The following GLE1 variants were observed in gnomAD, a reference collection of about 807,000 sequenced individuals.
GLE1 encodes the protein GLE1 RNA export mediator.
GLE1 carries 78 observed loss-of-function variants against 97.3 expected under a neutral mutation model. That is an observed-to-expected ratio of 0.80 (90% CI 0.67 to 0.97). The LOEUF is 0.97. GLE1 is among the 50% of genes least tolerant of loss of function. The pLI, the probability that GLE1 is intolerant of heterozygous loss-of-function variation, is 0.00. For synonymous variants in GLE1, 302 were observed against 313.4 expected (o/e 0.96, Z 0.39); for missense variants, 753 against 857.5 (o/e 0.88, Z 1.52).
chr9:128,522,633 C>CT, intron 3 of GLE1, 35 bp from the exon 4 acceptor site: 1 of 1,175,908 alleles, frequency 8.5e-7, no homozygotes, highest in Non-Finnish European at 1.1e-6. Flanking sequence ...GAGATTCCAT[C>CT]TTAAAAAAAA....
chr9:128,509,699 C>T (rs1243570151), intron 2 of GLE1, among the ~76,000 whole-genome samples: 1 of 151,444 alleles, frequency 6.6e-6, no homozygotes, highest in East Asian at 1.9e-4. Context: ...TGGCTCATGT[C>T]CATAATTCCA....
At chr9:128,537,904 T>A in intron 12 of GLE1, 82 bp from the exon 13 acceptor site, 1 of 803,956 alleles carries the variant, frequency 1.2e-6, no homozygotes, top group Non-Finnish European at 2.2e-6. Flanking sequence ...CATTTCCACT[T>A]GGTAATGGCT....
intron 3 of GLE1, among the ~76,000 whole-genome samples, chr9:128,520,770 T>A (rs1035886367): frequency 4.6e-5 from 7 of 151,634 alleles, no homozygotes; most frequent in Admixed American, 2.0e-4. Context: ...TTTTTTTTTT[T>A]AAAGACAGGG....
Position 128,523,850 on chromosome 9 carries a change from A to G in GLE1, c.897+4A>G. The stretch of plus-strand genomic sequence containing the variant: ...GATCATCCGGGCCTCTTCAGAGGTG[A>G]GGGGGGCTTCAGAGTGACTCTTTGC... On this transcript the variant is annotated splice_donor_region_variant and intron_variant, in intron 6 of 15. Transcript: ENST00000309971. 1 of 1,613,800 alleles carries G rather than the reference A, an allele frequency of 6.2e-7. No homozygotes were observed. Among genetic ancestry groups the G allele is most frequent in the African/African-American group, 1.3e-5 (1 of 75,014 alleles).
At chr9:128,508,027 A>G (rs1846691691) in intron 1 of GLE1, among the ~76,000 whole-genome samples, 1 of 151,840 alleles carries the variant, frequency 6.6e-6, no homozygotes, top group Non-Finnish European at 1.5e-5. Context: ...CTAAAAGTAC[A>G]AAATTAGCCA....
chr9:128,523,960 C>G, intron 6 of GLE1, 114 bp downstream of exon 6: 2 of 945,842 alleles, frequency 2.1e-6, no homozygotes, highest in East Asian at 2.6e-5. Flanking sequence ...GGGGGAAATA[C>G]CAAACATTAC....
At position 128,504,811 on chromosome 9, in the gene GLE1, G is replaced by A. The variant is rs1846592832; in HGVS notation, c.6G>A (p.Pro2=). M[P]SEGRCWETLK... is the part of the protein sequence containing the mutation. ...AAGCTGCCCCTTAGCCAACCATGCC[G>A]TCTGAGGGTCGCTGCTGGGAGACCT... Residue 2 remains proline (P), a synonymous_variant, in exon 1 of 16, where the codon CCG becomes CCA. Coordinates refer to ENST00000309971, the MANE Select transcript of GLE1 (RefSeq NM_001003722.2). The A allele has an allele frequency of 3.1e-6, 5 of 1,608,890 alleles. No individual in the cohort carries two copies. The South Asian group carries it at 3.3e-5, about 11-fold the overall frequency.
chr9:128,536,078 GCTGGAGTGCAGTGATGCAATCTTGA>G (rs1847699804), intron 11 of GLE1, among the ~76,000 whole-genome samples: 1 of 151,958 alleles, frequency 6.6e-6, no homozygotes, highest in Middle Eastern at 3.2e-3. Flanking sequence ...TGTTACCCAG[GCTGGAGTGCAGTGATGCAATCTTGA>G]CTCACTGCAA....
chr9:128,537,958 AATG>A (rs1249809649), intron 12 of GLE1, 25 bp from the exon 13 acceptor site: 1 of 1,279,498 alleles, frequency 7.8e-7, no homozygotes, highest in Non-Finnish European at 1.1e-6. Context: ...AAATGAGATC[AATG>A]ATAACCAAGC....
In GLE1 at chr9:128,540,332, C is replaced by A; in HGVS notation, c.2022C>A (p.Phe674Leu). The change falls in exon 15 of 16, where the codon TTC (phenylalanine) becomes TTA (leucine). Residue 674 changes from phenylalanine to leucine, a missense_variant. Coordinates refer to ENST00000309971, the MANE Select transcript of GLE1 (RefSeq NM_001003722.2). ...QMGSFIRLKQ[F>L]LEKCLQHKDI... ...GCTCCTTCATACGCCTCAAGCAGTTCTTGGAGGTAAGATGCCCTTAGACCA... is the reference window on the plus strand; with the variant it reads ...GCTCCTTCATACGCCTCAAGCAGTTATTGGAGGTAAGATGCCCTTAGACCA... The A allele has an allele frequency of 6.2e-7, 1 of 1,603,756 alleles. No individual in the cohort carries two copies. The highest frequency in any genetic ancestry group is 8.5e-7 in the Non-Finnish European group (1 of 1,170,612).
At position 128,540,178 on chromosome 9, in the gene GLE1, C is replaced by T. The variant is rs555660689; in HGVS notation, c.1965-97C>T. 5.0e-4 allele frequency: 424 copies of T among 846,280 alleles called. 9 individuals carry two copies. In the South Asian group the frequency reaches 5.2e-3, roughly 10 times the overall value. The allele number at this position is 846,280 out of a possible 1,614,324, so 52.4% of individuals were successfully genotyped here. A position where few individuals can be genotyped will look rare whatever the true frequency, so the allele number is the denominator to read the frequency against. ...CCTCGGTGAGCTATGATCGCACCAC[C>T]GCGCTGCACTCCAGCCTAGGTGACA... On this transcript the variant is annotated intron_variant, in intron 14 of 15. Coordinates refer to ENST00000309971, the MANE Select transcript of GLE1 (RefSeq NM_001003722.2).
At chr9:128,516,024 T>A (rs894639262) in intron 3 of GLE1, among the ~76,000 whole-genome samples, 1 of 151,624 alleles carries the variant, frequency 6.6e-6, no homozygotes, top group African/African-American at 2.4e-5. Flanking sequence ...TGGTGTAATC[T>A]TGGCTCACTG....
intron 2 of GLE1, among the ~76,000 whole-genome samples, chr9:128,509,387 CT>C (rs200115898): frequency 1.3e-5 from 2 of 151,326 alleles, no homozygotes; most frequent in East Asian, 1.9e-4. Flanking sequence ...TATGGTCTCC[CT>C]TTTTGTGTTA....
intron 3 of GLE1, among the ~76,000 whole-genome samples, chr9:128,520,356 ATG>A (rs1299682422): frequency 1.4e-5 from 2 of 147,532 alleles, no homozygotes; most frequent in East Asian, 2.0e-4. Flanking sequence ...GTATATATGT[ATG>A]TGTGTATATA....
At chr9:128,515,970 G>A (rs529147308) in intron 3 of GLE1, among the ~76,000 whole-genome samples, 2 of 136,472 alleles carry the variant, frequency 1.5e-5, no homozygotes, top group South Asian at 4.6e-4. Context: ...TTTTTTTTGA[G>A]GTGGAGTTTT....
intron 9 of GLE1, among the ~76,000 whole-genome samples, chr9:128,528,145 C>T (rs1847363869): frequency 6.6e-6 from 1 of 150,408 alleles, no homozygotes; most frequent in Admixed American, 6.6e-5. Context: ...GCTGGGACTA[C>T]AGGCGCCCAC....
chr9:128,512,938 C>T (rs1022023547), intron 2 of GLE1, among the ~76,000 whole-genome samples: 6 of 152,178 alleles, frequency 3.9e-5, no homozygotes, highest in African/African-American at 9.7e-5. Context: ...CATGAGCCAC[C>T]GTGCCCAGCC....
At chr9:128,516,972 G>A (rs112791893) in intron 3 of GLE1, among the ~76,000 whole-genome samples, 1,849 of 151,830 alleles carry the variant, frequency 0.012, 29 homozygotes, top group African/African-American at 0.043. Flanking sequence ...TTGTAAAAAT[G>A]TTTCAGAGTA....
At chr9:128,531,064 A>G (rs1306313395) in intron 9 of GLE1, among the ~76,000 whole-genome samples, 1 of 151,486 alleles carries the variant, frequency 6.6e-6, no homozygotes, top group Non-Finnish European at 1.5e-5. Flanking sequence ...AAAATACAAA[A>G]TTAGCTGGGC....
Sources: gnomAD v4.1 joint callset for allele counts (sites outside exome capture counted in the v4.1 genomes callset) on GRCh38, gnomAD v4.1.1 for gene constraint, MANE v1.5 for transcripts, NCBI Gene and HGNC (gene_info 2026-07-23, HGNC 2026-07-21) for gene names.